The following TCF7L2 variants were observed in gnomAD, a reference collection of about 807,000 sequenced individuals.
TCF7L2 encodes transcription factor 7 like 2, also known as transcription factor 7-like 2.
TCF7L2 carries 23 observed loss-of-function variants against 77.9 expected under a neutral mutation model. That is an observed-to-expected ratio of 0.30 (90% CI 0.21 to 0.42). TCF7L2 has a LOEUF of 0.42. TCF7L2 is among the 10% of genes least tolerant of loss of function. TCF7L2 has a pLI of 1.00. For synonymous variants in TCF7L2, 413 were observed against 340.2 expected (o/e 1.21, Z -2.36); for missense variants, 654 against 793.1 (o/e 0.82, Z 2.11).
At chr10:112,967,713 G>A (rs548710919) in intron 4 of TCF7L2, among the ~76,000 whole-genome samples, 83 of 148,740 alleles carry the variant, frequency 5.6e-4, no homozygotes, top group Middle Eastern at 3.5e-3. Flanking sequence ...TCGGCTCACC[G>A]CAACCTCCGC....
intron 6 of TCF7L2, 78 bp downstream of exon 6, chr10:113,141,394 C>A (rs2136852829): frequency 3.1e-6 from 5 of 1,593,390 alleles, no homozygotes; most frequent in Non-Finnish European, 4.3e-6. Context: ...TCCACAGGAA[C>A]CCCAGGGGTG....
chr10:113,114,468 A>G (rs2063493699), intron 5 of TCF7L2, among the ~76,000 whole-genome samples: 1 of 152,114 alleles, frequency 6.6e-6, no homozygotes, highest in Non-Finnish European at 1.5e-5. Context: ...AGTGGAGTCA[A>G]TGGTGTGTGG....
intron 3 of TCF7L2, among the ~76,000 whole-genome samples, chr10:112,952,939 C>T (rs1173048275): frequency 6.6e-6 from 1 of 151,932 alleles, no homozygotes; most frequent in Non-Finnish European, 1.5e-5. Context: ...TTGTGCCCGG[C>T]TTCCCGGTAT....
At chr10:113,069,666 A>G (rs1268901312) in intron 5 of TCF7L2, among the ~76,000 whole-genome samples, 1 of 152,204 alleles carries the variant, frequency 6.6e-6, no homozygotes, top group Non-Finnish European at 1.5e-5. Context: ...GGCATAGACT[A>G]GTCTGGCCTT....
At chr10:113,087,337 CT>C (rs2059938115) in intron 5 of TCF7L2, among the ~76,000 whole-genome samples, 1 of 152,236 alleles carries the variant, frequency 6.6e-6, no homozygotes, top group South Asian at 2.1e-4. Flanking sequence ...TTTGGTAACT[CT>C]GCCTCTTTGC....
intron 5 of TCF7L2, among the ~76,000 whole-genome samples, chr10:113,084,088 T>C (rs2059584608): frequency 6.6e-6 from 1 of 152,112 alleles, no homozygotes; most frequent in Non-Finnish European, 1.5e-5. Context: ...GAGGAGAAAA[T>C]ACATGAAAAT....
chr10:113,011,925 C>T (rs2133630822), intron 4 of TCF7L2, among the ~76,000 whole-genome samples: 1 of 152,278 alleles, frequency 6.6e-6, no homozygotes, highest in African/African-American at 2.4e-5. Flanking sequence ...TTGAGCATTA[C>T]TACCTTGAGT....
At chr10:112,956,171 A>T (rs10885398) in intron 3 of TCF7L2, among the ~76,000 whole-genome samples, 5 of 151,864 alleles carry the variant, frequency 3.3e-5, no homozygotes, top group African/African-American at 1.2e-4. Flanking sequence ...TTTCTGGACC[A>T]TGACTAAAAC....
intron 4 of TCF7L2, among the ~76,000 whole-genome samples, chr10:112,998,100 AC>A (rs1327274340): frequency 6.0e-5 from 9 of 149,480 alleles, no homozygotes; most frequent in Non-Finnish European, 1.0e-4. Context: ...TTCTGGTCCT[AC>A]TTTTTTTTTT....
At chr10:113,010,741 T>C (rs1385937523) in intron 4 of TCF7L2, among the ~76,000 whole-genome samples, 2 of 152,164 alleles carry the variant, frequency 1.3e-5, no homozygotes, top group Non-Finnish European at 2.9e-5. Context: ...AGGCTGGGCG[T>C]GGTGGCTCAG....
At chr10:113,144,407 T>C (rs1763624924) in intron 7 of TCF7L2, among the ~76,000 whole-genome samples, 1 of 152,166 alleles carries the variant, frequency 6.6e-6, no homozygotes, top group African/African-American at 2.4e-5. Context: ...CAAACTGCAG[T>C]CATGTCATTG....
At chr10:113,113,385 C>T (rs755047882) in intron 5 of TCF7L2, among the ~76,000 whole-genome samples, 2 of 152,212 alleles carry the variant, frequency 1.3e-5, no homozygotes, top group African/African-American at 2.4e-5. Flanking sequence ...CACCTCCCCA[C>T]CAGTGCTTGA....
intron 5 of TCF7L2, among the ~76,000 whole-genome samples, chr10:113,048,724 A>T (rs2053872939): frequency 6.6e-6 from 1 of 152,116 alleles, no homozygotes. Context: ...AAAGCTCCAG[A>T]AAGTCAGGCT....
At chr10:113,056,868 G>A (rs1469987837) in intron 5 of TCF7L2, among the ~76,000 whole-genome samples, 1 of 152,142 alleles carries the variant, frequency 6.6e-6, no homozygotes, top group Non-Finnish European at 1.5e-5. Flanking sequence ...GTAGCTGAGG[G>A]CGGTTTCCTG....
At chr10:112,951,116 C>T (rs1401317770) in intron 1 of TCF7L2, 91 bp from the exon 2 acceptor site, 3 of 1,296,310 alleles carry the variant, frequency 2.3e-6, no homozygotes, top group African/African-American at 1.6e-5. Flanking sequence ...TTCTACCCCC[C>T]CCTCGACCTC....
At chr10:113,073,160 GAGAT>G (rs2058276694) in intron 5 of TCF7L2, among the ~76,000 whole-genome samples, 1 of 151,036 alleles carries the variant, frequency 6.6e-6, no homozygotes, top group Non-Finnish European at 1.5e-5. Context: ...GACAGAGAGA[GAGAT>G]AGAGAGAAAC....
chr10:113,165,460 C>T (rs1479378995), intron 13 of TCF7L2, 95 bp from the exon 15 acceptor site: 99 of 1,389,558 alleles, frequency 7.1e-5, no homozygotes, highest in Non-Finnish European at 9.4e-5. Flanking sequence ...TGGGACATCC[C>T]TTAGGTGACC....
chr10:113,033,425 AT>A (rs939369740), intron 4 of TCF7L2, among the ~76,000 whole-genome samples: 134 of 145,694 alleles, frequency 9.2e-4, no homozygotes, highest in East Asian at 9.1e-3. Flanking sequence ...CACTCAGCTA[AT>A]TTTTTTTTTT....
chr10:112,964,635 C>G lies in TCF7L2; in HGVS notation c.450+11C>G, dbSNP rs1442135547. The G allele has an allele frequency of 3.1e-6, 5 of 1,611,600 alleles. No homozygotes were observed. Among genetic ancestry groups the G allele is most frequent in the African/African-American group, 1.3e-5 (1 of 74,926 alleles). The stretch of plus-strand genomic sequence containing the variant: ...CAGATTGCAGTTCAGGTAGGAAACG[C>G]AAGAGATTCTGAAGCTTGAATTGTC... On this transcript the variant is annotated intron_variant, in intron 4 of 13. Transcript: ENST00000627217.
Sources: gnomAD v4.1 joint callset for allele counts (sites outside exome capture counted in the v4.1 genomes callset) on GRCh38, gnomAD v4.1.1 for gene constraint, MANE v1.5 for transcripts, NCBI Gene and HGNC (gene_info 2026-07-23, HGNC 2026-07-21) for gene names.